The following CTNNA2 variants were observed in gnomAD, a reference collection of about 807,000 sequenced individuals.
CTNNA2 encodes the protein catenin alpha-2.
Under a neutral mutation model 101.0 loss-of-function variants are expected in CTNNA2, and 42 were observed. That is an observed-to-expected ratio of 0.42 (90% CI 0.32 to 0.54). The LOEUF is 0.54. Among genes scored for constraint, CTNNA2 ranks in the 20% least tolerant of loss-of-function variants. The pLI, the probability that CTNNA2 is intolerant of heterozygous loss-of-function variation, is 0.14. For missense variants in CTNNA2, 871 were observed against 1,223.1 expected, an observed-to-expected ratio of 0.71 and a Z score of 4.29; for synonymous variants, 450 against 456.4, an observed-to-expected ratio of 0.99 and a Z score of 0.18.
chr2:79,410,628 C>G (rs1389556223), intron 4 of CTNNA2, among the ~76,000 whole-genome samples: 4 of 151,788 alleles, frequency 2.6e-5, no homozygotes, highest in Non-Finnish European at 4.4e-5. Flanking sequence ...ATTGAACCAG[C>G]CTTGCATCCC....
chr2:79,627,586 T>C (rs559743062), intron 1 of CTNNA2, among the ~76,000 whole-genome samples: 4 of 152,348 alleles, frequency 2.6e-5, no homozygotes, highest in Admixed American at 2.0e-4. Context: ...TATAAACATA[T>C]GGTCTATCTC....
rs565197471 is a variant in CTNNA2, at chr2:80,074,177, T to TTGCTAAGCTTATAGATTAGCAACATG, written c.1056+164380_1056+164381insTGCTAAGCTTATAGATTAGCAACATG. On this transcript the variant is annotated intron_variant, in intron 7 of 18. Coordinates refer to ENST00000402739, the MANE Select transcript of CTNNA2 (RefSeq NM_001282597.3). ...TATTTATTTATTTAGCAACATGATGTATGGCCTAAGCTTATAGATTGGTTT... is the reference window on the plus strand; with the variant it reads ...TATTTATTTATTTAGCAACATGATGTTGCTAAGCTTATAGATTAGCAACATGATGGCCTAAGCTTATAGATTGGTTT... Among the ~76,000 whole-genome samples, 204 of 152,300 alleles carry TTGCTAAGCTTATAGATTAGCAACATG rather than the reference T, an allele frequency of 1.3e-3. 9 individuals are homozygous for TTGCTAAGCTTATAGATTAGCAACATG. The East Asian group carries it at 0.035, about 26-fold the overall frequency.
At chr2:79,495,471 A>G (rs571040238) in intron 4 of CTNNA2, among the ~76,000 whole-genome samples, 11 of 152,304 alleles carry the variant, frequency 7.2e-5, no homozygotes, top group Admixed American at 1.3e-4. Flanking sequence ...AAATAATAAC[A>G]TGTTGGCAAG....
At chr2:80,318,012 G>C (rs1472028766) in intron 7 of CTNNA2, among the ~76,000 whole-genome samples, 1 of 152,010 alleles carries the variant, frequency 6.6e-6, no homozygotes, top group Non-Finnish European at 1.5e-5. Context: ...TTCTTTCTAA[G>C]GGGTCCCATT....
intron 2 of CTNNA2, among the ~76,000 whole-genome samples, chr2:79,217,847 C>G (rs1414929934): frequency 6.6e-6 from 1 of 152,180 alleles, no homozygotes; most frequent in Non-Finnish European, 1.5e-5. Flanking sequence ...TTTTCTCTCT[C>G]CCAGGTCTAG....
At chr2:79,356,700 C>A (rs1011781044) in intron 3 of CTNNA2, among the ~76,000 whole-genome samples, 1 of 152,112 alleles carries the variant, frequency 6.6e-6, no homozygotes, top group African/African-American at 2.4e-5. Flanking sequence ...AGTCTAGTTG[C>A]CTCACAGAAG....
At chr2:79,763,581 T>A (rs76665430) in intron 3 of CTNNA2, among the ~76,000 whole-genome samples, 2,399 of 152,344 alleles carry the variant, frequency 0.016, 51 homozygotes, top group African/African-American at 0.053. Flanking sequence ...TTATTATTTC[T>A]TATAGTTTTT....
At chr2:80,118,957 G>A (rs1701679885) in intron 7 of CTNNA2, among the ~76,000 whole-genome samples, 1 of 152,154 alleles carries the variant, frequency 6.6e-6, no homozygotes, top group South Asian at 2.1e-4. Flanking sequence ...ACTTCTCAGG[G>A]TATATCAAAG....
chr2:79,525,557 TTTACATTACATTATTACA>T (rs1672357718), intron 1 of CTNNA2, among the ~76,000 whole-genome samples: 1 of 151,966 alleles, frequency 6.6e-6, no homozygotes, highest in Non-Finnish European at 1.5e-5. Flanking sequence ...CAAGATTGCT[TTTACATTACATTATTACA>T]TTACATTACA....
chr2:79,810,251 G>A (rs1676902610), intron 3 of CTNNA2, among the ~76,000 whole-genome samples: 1 of 152,054 alleles, frequency 6.6e-6, no homozygotes, highest in South Asian at 2.1e-4. Flanking sequence ...GGGTGGGGAG[G>A]CCTCACAATC....
chr2:80,175,186 C>G (rs1269207424), intron 7 of CTNNA2, among the ~76,000 whole-genome samples: 2 of 152,186 alleles, frequency 1.3e-5, no homozygotes, highest in African/African-American at 4.8e-5. Context: ...TTCCCTGTGC[C>G]TGGAATACTC....
chr2:80,170,227 CTCTCTGTGTGTG>C (rs1704965688), intron 7 of CTNNA2, among the ~76,000 whole-genome samples: 2 of 149,500 alleles, frequency 1.3e-5, no homozygotes, highest in African/African-American at 5.1e-5. Flanking sequence ...CTCTCTCTCT[CTCTCTGTGTGTG>C]TGTGTGTGTT....
At chr2:79,259,741 C>T (rs1178525563) in intron 2 of CTNNA2, among the ~76,000 whole-genome samples, 1 of 152,096 alleles carries the variant, frequency 6.6e-6, no homozygotes, top group African/African-American at 2.4e-5. Context: ...ACCTTTTAAC[C>T]ACAGCTGCAG....
intron 7 of CTNNA2, among the ~76,000 whole-genome samples, chr2:80,150,361 C>T (rs1703622154): frequency 6.6e-6 from 1 of 152,094 alleles, no homozygotes; most frequent in Admixed American, 6.5e-5. Flanking sequence ...CTCACTGGCC[C>T]CATCTCTCTT....
At position 79,520,362 on chromosome 2, in the gene CTNNA2, A is replaced by G. The variant is rs1375235166; in HGVS notation, c.-6+7155A>G. ...TTTTATATTCCTTTTTGCATTGAGC[A>G]TAATGTTTGTGGGATCAATCTATGA... On this transcript the variant is annotated intron_variant, in intron 1 of 18. Transcript: ENST00000402739. Among the ~76,000 whole-genome samples the G allele has an allele frequency of 3.9e-5, 6 of 152,302 alleles. No individual in the cohort carries two copies. The East Asian group carries it at 1.2e-3, about 29-fold the overall frequency.
intron 1 of CTNNA2, among the ~76,000 whole-genome samples, chr2:79,561,038 A>C (rs926315369): frequency 6.6e-6 from 1 of 151,944 alleles, no homozygotes. Flanking sequence ...TAATTCCAGA[A>C]TATTTTCCTT....
chr2:80,100,955 C>T (rs1160184264), intron 7 of CTNNA2, among the ~76,000 whole-genome samples: 1 of 152,168 alleles, frequency 6.6e-6, no homozygotes, highest in Non-Finnish European at 1.5e-5. Flanking sequence ...GAACATATTT[C>T]ATAAATACCT....
chr2:79,329,524 T>G (rs1286115154), intron 3 of CTNNA2, among the ~76,000 whole-genome samples: 1 of 152,098 alleles, frequency 6.6e-6, no homozygotes, highest in Non-Finnish European at 1.5e-5. Flanking sequence ...CCCCTACACT[T>G]GGCAGATATT....
intron 2 of CTNNA2, among the ~76,000 whole-genome samples, chr2:79,256,543 G>C (rs1420163682): frequency 7.2e-5 from 11 of 152,168 alleles, no homozygotes; most frequent in Admixed American, 5.2e-4. Flanking sequence ...AGAAAACTAA[G>C]AATCACTATT....
Sources: allele counts gnomAD v4.1 joint callset (sites outside exome capture counted in the v4.1 genomes callset), GRCh38; gene constraint gnomAD v4.1.1; transcripts MANE v1.5; gene names NCBI Gene and HGNC (gene_info 2026-07-23, HGNC 2026-07-21).